Variants in TRMT10A observed in about 807,000 individuals in gnomAD.
TRMT10A encodes the protein tRNA methyltransferase 10A, also known as tRNA methyltransferase 10 homolog A.
In TRMT10A, 37 loss-of-function variants were observed where a neutral mutation model predicts 40.4. That is an observed-to-expected ratio of 0.92 (90% CI 0.71 to 1.21). The LOEUF is 1.21. Ranked by LOEUF, TRMT10A falls within the 50% of genes most tolerant of loss-of-function variation. The probability of loss-of-function intolerance (pLI) is 0.00; values close to 1 mark genes in which losing one functional copy is unlikely to be tolerated. For missense variants in TRMT10A, 388 were observed against 404.3 expected, an observed-to-expected ratio of 0.96 and a Z score of 0.35; for synonymous variants, 103 against 134.1, an observed-to-expected ratio of 0.77 and a Z score of 1.60.
Position 99,557,338 on chromosome 4 carries a change from C to T in TRMT10A, c.420+7G>A, listed in dbSNP as rs1049272233. 6.2e-7 allele frequency: 1 copy of T among 1,609,188 alleles called. No homozygotes were observed. The highest frequency in any genetic ancestry group is 1.7e-5 in the Admixed American group (1 of 59,186). ...ACTAGAGTCTGCTTTAAAATCTTTA[C>T]ACATACCTGCACAGGATGCAGTGCC... is the stretch of plus-strand genomic sequence containing the variant. On this transcript the variant is annotated splice_region_variant and intron_variant, in intron 4 of 7. Transcript: ENST00000394876.
intron 7 of TRMT10A, among the ~76,000 whole-genome samples, chr4:99,550,232 C>T (rs1291604390): frequency 6.6e-6 from 1 of 152,188 alleles, no homozygotes; most frequent in East Asian, 1.9e-4. Flanking sequence ...CTCTGCCACC[C>T]AAGCTGGAGT....
In TRMT10A at chr4:99,553,776, T is replaced by G. The variant is rs1724050064; in HGVS notation, c.645+9A>C. On this transcript the variant is annotated intron_variant, in intron 6 of 7. Transcript: ENST00000394876. ...ACAAGCAAAAGCAAAAATAAAAATTTAATAGTACCTTGTGATGGTTGTGAT... is the reference window on the plus strand; with the variant it reads ...ACAAGCAAAAGCAAAAATAAAAATTGAATAGTACCTTGTGATGGTTGTGAT... 3 of 1,586,426 alleles carry G rather than the reference T, an allele frequency of 1.9e-6. No individual in the cohort carries two copies. Among genetic ancestry groups the G allele is most frequent in the Non-Finnish European group, 2.6e-6 (3 of 1,171,934 alleles).
chr4:99,549,203 G>C lies in TRMT10A; in HGVS notation c.905C>G (p.Ser302Trp), dbSNP rs1467872969. Residue 302 changes from serine to tryptophan, a missense_variant, in exon 8 of 8, where the codon TCG (serine) becomes TGG (tryptophan). Ser to Trp is a radical substitution (Grantham distance 177, BLOSUM62 -3). Transcript: ENST00000394876. ...TTCCTCCTCACTGGAATCACTGTCC[G>C]ATCCACCTTCCTCCATCCTGACAGA... ...NQSVRMEEGGSDSDSSEEEYS... is the reference protein window; with the variant it reads ...NQSVRMEEGGWDSDSSEEEYS... 1 of 1,613,990 alleles carries C rather than the reference G, an allele frequency of 6.2e-7. No homozygotes were observed. Among genetic ancestry groups the C allele is most frequent in the South Asian group, 1.1e-5 (1 of 91,082 alleles).
At chr4:99,549,507 C>A (rs1320180096) in intron 7 of TRMT10A, 151 bp from the exon 8 acceptor site, 6 of 1,018,008 alleles carry the variant, frequency 5.9e-6, no homozygotes, top group Non-Finnish European at 7.0e-6. Flanking sequence ...GTCTGTCAAG[C>A]CCAATTTGCC....
In TRMT10A at chr4:99,563,996, A is replaced by G; in HGVS notation, c.-107T>C. 6.9e-7 allele frequency: 1 copy of G among 1,444,232 alleles called. No homozygotes were observed. The highest frequency in any genetic ancestry group is 9.4e-7 in the Non-Finnish European group (1 of 1,064,712). The allele number at this position is 1,444,232 out of a possible 1,614,324, so 89.5% of individuals were successfully genotyped here. ...CTGGTTACGGCTCACGCTTCCTTCC[A>G]CAGAAACTTCAATTCCCAGAGGCAG... On this transcript the variant is annotated 5_prime_UTR_variant, in exon 1 of 8. Transcript: ENST00000394876.
Position 99,547,382 on chromosome 4 carries a change from C to G in TRMT10A, c.*1706G>C, listed in dbSNP as rs1723777293. The G allele has an allele frequency of 6.6e-6, 1 of 152,000 alleles. No individual in the cohort carries two copies. Among genetic ancestry groups the G allele is most frequent in the Non-Finnish European group, 1.5e-5 (1 of 67,986 alleles). 9.4% of individuals were successfully genotyped at this position (152,000 alleles called of 1,614,324 possible). ...ATAAATTTCTGTTGTTTAAAGCCAC[C>G]CAGTTTGTGGTAATTTGTTCTAGCA... On this transcript the variant is annotated 3_prime_UTR_variant, in exon 8 of 8. Coordinates refer to ENST00000394876, the MANE Select transcript of TRMT10A (RefSeq NM_001134665.3).
At chr4:99,551,675 A>T (rs555936552) in intron 6 of TRMT10A, among the ~76,000 whole-genome samples, 190 of 152,282 alleles carry the variant, frequency 1.2e-3, no homozygotes, top group African/African-American at 4.3e-3. Context: ...CTAAAAAAAA[A>T]AATAATAATT....
intron 3 of TRMT10A, 142 bp from the exon 4 acceptor site, chr4:99,557,558 G>T: frequency 1.6e-6 from 1 of 633,128 alleles, no homozygotes; most frequent in Non-Finnish European, 2.6e-6. Flanking sequence ...TCTGATAAAT[G>T]TTATTTGATT....
Position 99,553,918 on chromosome 4 carries a change from G to T in TRMT10A, c.512C>A (p.Pro171Gln), listed in dbSNP as rs761726757. The T allele has an allele frequency of 3.1e-6, 5 of 1,612,760 alleles. No homozygotes were observed. Among genetic ancestry groups the T allele is most frequent in the Admixed American group, 1.7e-5 (1 of 59,854 alleles). ...WVNWKDIHIK[P>Q]EHYSELIKKE... ...CTTTATGAGTTCACTATAGTGCTCT[G>T]GTTTGATATGGATATCCTTTAAGAC... Residue 171 changes from proline (P) to glutamine (Q), a missense_variant, in exon 6 of 8, where the codon CCA becomes CAA. By Grantham distance (76) the Pro-to-Gln change is moderately conservative. Transcript: ENST00000394876.
chr4:99,549,474 T>C, intron 7 of TRMT10A, 118 bp from the exon 8 acceptor site: 1 of 1,289,180 alleles, frequency 7.8e-7, no homozygotes. Context: ...ATAACTACTT[T>C]GTTCTTAGCT....
At chr4:99,549,532 T>A (rs1414260333) in intron 7 of TRMT10A, among the ~76,000 whole-genome samples, 176 bp from the exon 8 acceptor site, 4 of 152,166 alleles carry the variant, frequency 2.6e-5, no homozygotes, top group Admixed American at 2.6e-4. Flanking sequence ...GGTACTTAAG[T>A]CTATTACCTC....
rs1355065761 is a variant in TRMT10A at position 99,549,076 on chromosome 4, A to C, written c.*12T>G. ...CTAATTTTTCCTTAAACTAAAAGGAAACCAGGTAACATTAGTGTGGCAGAG... is the reference window on the plus strand; with the variant it reads ...CTAATTTTTCCTTAAACTAAAAGGACACCAGGTAACATTAGTGTGGCAGAG... On this transcript the variant is annotated 3_prime_UTR_variant, in exon 8 of 8. Coordinates refer to ENST00000394876, the MANE Select transcript of TRMT10A (RefSeq NM_001134665.3). 3 of 1,610,450 alleles carry C rather than the reference A, an allele frequency of 1.9e-6. No individual in the cohort carries two copies. Among genetic ancestry groups the C allele is most frequent in the Non-Finnish European group, 8.5e-7 (1 of 1,176,972 alleles).
At chr4:99,559,046 T>C (rs1724277857) in intron 2 of TRMT10A, 108 bp downstream of exon 2, 8 of 1,198,008 alleles carry the variant, frequency 6.7e-6, no homozygotes, top group Middle Eastern at 2.1e-4. Context: ...AAATTAGTAA[T>C]TGAATTTTAA....
intron 6 of TRMT10A, 113 bp from the exon 7 acceptor site, chr4:99,551,103 G>A (rs1723947426): frequency 1.4e-6 from 1 of 715,418 alleles, no homozygotes. Context: ...ATAGTTCAGA[G>A]AATATTATCT....
chr4:99,547,654 G>A lies in TRMT10A; in HGVS notation c.*1434C>T, dbSNP rs936939733. ...GGGCTTGTCTTTACTTACATATCTT[G>A]CCTACAGACCTTACCTTAAAATAGG... is the stretch of plus-strand genomic sequence containing the variant. On this transcript the variant is annotated 3_prime_UTR_variant, in exon 8 of 8. Transcript: ENST00000394876. The A allele has an allele frequency of 2.0e-5, 3 of 151,836 alleles. No individual in the cohort carries two copies. Among genetic ancestry groups the A allele is most frequent in the Non-Finnish European group, 4.4e-5 (3 of 67,948 alleles). 9.4% of individuals were successfully genotyped at this position (151,836 alleles called of 1,614,324 possible).
rs996909469 is a variant in TRMT10A, at chr4:99,548,441, A to T, written c.*647T>A. The T allele has an allele frequency of 2.6e-5, 4 of 152,186 alleles. No individual in the cohort carries two copies. Among genetic ancestry groups the T allele is most frequent in the African/African-American group, 4.8e-5 (2 of 41,478 alleles). 9.4% of individuals were successfully genotyped at this position (152,186 alleles called of 1,614,324 possible). ...GAAGTAACTTATCACCATTGTAAGA[A>T]TTAAGAAAATGCATTAAAGAGATTC... On this transcript the variant is annotated 3_prime_UTR_variant, in exon 8 of 8. Coordinates refer to ENST00000394876, the MANE Select transcript of TRMT10A (RefSeq NM_001134665.3).
rs1230771535 is a variant in TRMT10A at position 99,549,228 on chromosome 4, AC to A, written c.879del (p.Gln293HisfsTer24). 1 of 1,614,106 alleles carries A rather than the reference AC, an allele frequency of 6.2e-7. No homozygotes were observed. Among genetic ancestry groups the A allele is most frequent in the Admixed American group, 1.7e-5 (1 of 60,020 alleles). ...GATCCACCTTCCTCCATCCTGACAGACTGATTGTCATGAGAAGCACTTTCAC... is the reference window on the plus strand; with the variant it reads ...GATCCACCTTCCTCCATCCTGACAGATGATTGTCATGAGAAGCACTTTCAC... ...KACESASHDNQSVRMEEGGSD... is the reference protein window; with the variant it reads ...KACESASHDNXSVRMEEGGSD... On this transcript the variant is annotated frameshift_variant, in exon 8 of 8. Coordinates refer to ENST00000394876, the MANE Select transcript of TRMT10A (RefSeq NM_001134665.3). LOFTEE classifies it low-confidence loss of function (END_TRUNC).
In TRMT10A at chr4:99,563,832, G is replaced by A. The variant is rs1404824840; in HGVS notation, c.-24+81C>T. On this transcript the variant is annotated intron_variant, in intron 1 of 7. Coordinates refer to ENST00000394876, the MANE Select transcript of TRMT10A (RefSeq NM_001134665.3). ...CCCCCGGAAGCCCTTGTTGCTAGTAGGGGGCTGCATGGCACGCGCCCCTTT... is the reference window on the plus strand; with the variant it reads ...CCCCCGGAAGCCCTTGTTGCTAGTAAGGGGCTGCATGGCACGCGCCCCTTT... 7.7e-6 allele frequency: 5 copies of A among 653,098 alleles called. No homozygotes were observed. In the Admixed American group the frequency reaches 8.3e-5, roughly 11 times the overall value. The allele number at this position is 653,098 out of a possible 1,614,324, so 40.5% of individuals were successfully genotyped here. A position where few individuals can be genotyped will look rare whatever the true frequency, so the allele number is the denominator to read the frequency against.
intron 6 of TRMT10A, 23 bp downstream of exon 6, chr4:99,553,762 C>T: frequency 6.3e-7 from 1 of 1,580,906 alleles, no homozygotes; most frequent in Non-Finnish European, 8.6e-7. Flanking sequence ...CAAGCAAAAG[C>T]AAAAATAAAA....
Sources: gnomAD v4.1 joint callset for allele counts (sites outside exome capture counted in the v4.1 genomes callset) on GRCh38, gnomAD v4.1.1 for gene constraint, MANE v1.5 for transcripts, NCBI Gene and HGNC (gene_info 2026-07-23, HGNC 2026-07-21) for gene names.